CCKAR: variants seen among roughly 807,000 people sequenced by gnomAD.
CCKAR encodes cholecystokinin A receptor, also known as cholecystokinin receptor type A.
A neutral mutation model predicts 29.8 loss-of-function variants in CCKAR; 21 were observed. The observed-to-expected ratio is 0.70, with a 90% confidence interval of 0.50 to 1.01. The LOEUF (loss-of-function observed/expected upper bound fraction) is 1.01, where lower values mean the gene tolerates loss of function less well. Ranked by LOEUF, CCKAR falls within the 50% of genes least tolerant of loss-of-function variation. The pLI, the probability that CCKAR is intolerant of heterozygous loss-of-function variation, is 0.00. For missense variants in CCKAR, 570 were observed against 560.6 expected (o/e 1.02, Z -0.17); for synonymous variants, 238 against 221.3 (o/e 1.08, Z -0.67).
chr4:26,484,003 G>T (rs547408432), intron 3 of CCKAR, among the ~76,000 whole-genome samples: 237 of 152,260 alleles, frequency 1.6e-3, no homozygotes, highest in Non-Finnish European at 3.1e-3. Context: ...AAACATTTAC[G>T]TGGGCGTCCA....
chr4:26,489,335 G>T lies in CCKAR; in HGVS notation c.262C>A (p.Leu88Ile), dbSNP rs1191629998. 1 of 1,614,158 alleles carries T rather than the reference G, an allele frequency of 6.2e-7. No homozygotes were observed. The highest frequency in any genetic ancestry group is 1.7e-5 in the Admixed American group (1 of 60,018). Residue 88 changes from leucine (L) to isoleucine (I), a missense_variant, in exon 2 of 5, where the codon CTC becomes ATC. Leu to Ile is a conservative substitution (Grantham distance 5). Coordinates refer to ENST00000295589, the MANE Select transcript of CCKAR (RefSeq NM_000730.3). ...IFLLSLAVSD[L>I]MLCLFCMPFN... Reference sequence around the variant, plus strand: ...GGCATGCAGAAGAGACAGAGCATGAGGTCGCTGACAGCCAGGGAGAGGAGG... The same window carrying T: ...GGCATGCAGAAGAGACAGAGCATGATGTCGCTGACAGCCAGGGAGAGGAGG...
chr4:26,489,334 AG>A lies in CCKAR; in HGVS notation c.262del (p.Leu88SerfsTer38). The A allele has an allele frequency of 6.2e-7, 1 of 1,614,134 alleles. No homozygotes were observed. The highest frequency in any genetic ancestry group is 8.5e-7 in the Non-Finnish European group (1 of 1,180,036). On this transcript the variant is annotated frameshift_variant, in exon 2 of 5. Coordinates refer to ENST00000295589, the MANE Select transcript of CCKAR (RefSeq NM_000730.3). LOFTEE classifies it high-confidence loss of function. ...IFLLSLAVSD[L>X]MLCLFCMPFN... ...CGGCATGCAGAAGAGACAGAGCATG[AG>A]GTCGCTGACAGCCAGGGAGAGGAGG...
intron 2 of CCKAR, among the ~76,000 whole-genome samples, chr4:26,486,466 A>T (rs1737453083): frequency 6.6e-6 from 1 of 152,242 alleles, no homozygotes; most frequent in Non-Finnish European, 1.5e-5. Context: ...GTAGTAAAAA[A>T]GACGAGGGAA....
chr4:26,489,571 A>T, intron 1 of CCKAR, 87 bp from the exon 2 acceptor site: 1 of 1,500,024 alleles, frequency 6.7e-7, no homozygotes, highest in Non-Finnish European at 9.1e-7. Context: ...ATTCCTGCCG[A>T]TTTTCCCCCC....
chr4:26,485,049 C>T (rs1737421180), intron 3 of CCKAR, among the ~76,000 whole-genome samples: 1 of 151,466 alleles, frequency 6.6e-6, no homozygotes. Context: ...AAAAAATTAG[C>T]CGGGCATGGT....
chr4:26,488,930 C>A (rs1017846474), intron 2 of CCKAR, among the ~76,000 whole-genome samples: 5 of 152,176 alleles, frequency 3.3e-5, no homozygotes, highest in Non-Finnish European at 7.3e-5. Context: ...CAGAAGCAAG[C>A]AAGTCCCTCT....
rs1260715627 is a variant in CCKAR, at chr4:26,481,962, G to T, written c.963C>A (p.Leu321=). ...VIRMLIVIVV[L]FFLCWMPIFS... ...AGATGGGCATCCAGCACAGGAAGAAGAGGACCACGATGACGATGAGCATGC... is the reference window on the plus strand; with the variant it reads ...AGATGGGCATCCAGCACAGGAAGAATAGGACCACGATGACGATGAGCATGC... Residue 321 remains leucine (L), a synonymous_variant, in exon 5 of 5, where the codon CTC becomes CTA. Transcript: ENST00000295589. 1.2e-6 allele frequency: 2 copies of T among 1,614,258 alleles called. No individual in the cohort carries two copies. Among genetic ancestry groups the T allele is most frequent in the South Asian group, 2.2e-5 (2 of 91,090 alleles).
chr4:26,487,580 C>T (rs1355289632), intron 2 of CCKAR, among the ~76,000 whole-genome samples: 1 of 152,116 alleles, frequency 6.6e-6, no homozygotes, highest in Non-Finnish European at 1.5e-5. Context: ...AAGAGAAGAG[C>T]CTAAATTATT....
chr4:26,487,620 G>A (rs1022151073), intron 2 of CCKAR, among the ~76,000 whole-genome samples: 2 of 152,104 alleles, frequency 1.3e-5, no homozygotes, highest in African/African-American at 2.4e-5. Flanking sequence ...AATTATTATG[G>A]TATTGCAAAT....
In CCKAR at chr4:26,485,796, G is replaced by T; in HGVS notation, c.467C>A (p.Ser156Tyr). The T allele has an allele frequency of 6.2e-7, 1 of 1,614,054 alleles. No homozygotes were observed. The highest frequency in any genetic ancestry group is 8.5e-7 in the Non-Finnish European group (1 of 1,179,998). ...PLQSRVWQTK[S>Y]HALKVIAATW... ...AGCAGCAATCACCTTCAAAGCATGG[G>T]ATTTTGTCTGCCAGACCCGGGACTG... is the stretch of plus-strand genomic sequence containing the variant. The change falls in exon 3 of 5, where the codon TCC (serine) becomes TAC (tyrosine). Residue 156 changes from serine (S) to tyrosine (Y), a missense_variant. Coordinates refer to ENST00000295589, the MANE Select transcript of CCKAR (RefSeq NM_000730.3).
chr4:26,485,194 C>CAA (rs11308927), intron 3 of CCKAR, among the ~76,000 whole-genome samples: 11 of 105,530 alleles, frequency 1.0e-4, no homozygotes, highest in Admixed American at 8.6e-4. Context: ...AATTCCGTCT[C>CAA]AAAAAAAAAA....
chr4:26,490,374 G>A lies in CCKAR; in HGVS notation c.-107C>T, dbSNP rs1411755169. 10 of 737,918 alleles carry A rather than the reference G, an allele frequency of 1.4e-5. No homozygotes were observed. The highest frequency in any genetic ancestry group is 3.6e-4 in the Middle Eastern group (1 of 2,784). The allele number at this position is 737,918 out of a possible 1,614,324, so 45.7% of individuals were successfully genotyped here. On this transcript the variant is annotated 5_prime_UTR_variant, in exon 1 of 5. Transcript: ENST00000295589. ...CTCGCAGATGCAACCTGCCGTGGAG[G>A]AGCAGGGAGGGAGTGATTTCCAGGT... is the stretch of plus-strand genomic sequence containing the variant.
At position 26,485,618 on chromosome 4, in the gene CCKAR, A is replaced by G. The variant is rs1463165505; in HGVS notation, c.626+19T>C. Reference sequence around the variant, plus strand: ...ATTACATCAAGCTGTATTTTTAAAAATAAACAATGCAACCTTACCAGGACT... The same window carrying G: ...ATTACATCAAGCTGTATTTTTAAAAGTAAACAATGCAACCTTACCAGGACT... On this transcript the variant is annotated intron_variant, in intron 3 of 4. Coordinates refer to ENST00000295589, the MANE Select transcript of CCKAR (RefSeq NM_000730.3). 6.2e-7 allele frequency: 1 copy of G among 1,609,452 alleles called. No homozygotes were observed.
At chr4:26,483,381 G>A (rs1271286940) in intron 3 of CCKAR, 98 bp from the exon 4 acceptor site, 8 of 1,160,792 alleles carry the variant, frequency 6.9e-6, no homozygotes, top group South Asian at 1.7e-5. Context: ...TTACTGGCCT[G>A]AGCAAACACA....
chr4:26,490,058 T>G (rs1737527551), intron 1 of CCKAR, 98 bp downstream of exon 1: 1 of 735,244 alleles, frequency 1.4e-6, no homozygotes, highest in Non-Finnish European at 2.4e-6. Context: ...TGTCTCACAA[T>G]GACTTGGTTA....
Position 26,484,940 on chromosome 4 carries a change from C to A in CCKAR, c.626+697G>T, listed in dbSNP as rs564823953. 2.7e-5 allele frequency among the ~76,000 whole-genome samples: 4 copies of A among 149,016 alleles called. No homozygotes were observed. In the East Asian group the frequency reaches 8.0e-4, roughly 30 times the overall value. ...GGCGCGGTGGCTCATGCCTGTAATCCCAGTACTTTGGGAGGTCGAGGCGGG... is the reference window on the plus strand; with the variant it reads ...GGCGCGGTGGCTCATGCCTGTAATCACAGTACTTTGGGAGGTCGAGGCGGG... On this transcript the variant is annotated intron_variant, in intron 3 of 4. Coordinates refer to ENST00000295589, the MANE Select transcript of CCKAR (RefSeq NM_000730.3).
chr4:26,489,905 C>G (rs1012416583), intron 1 of CCKAR, among the ~76,000 whole-genome samples: 8 of 152,096 alleles, frequency 5.3e-5, no homozygotes, highest in African/African-American at 1.9e-4. Context: ...TTGCTTCACT[C>G]AGCTTTTCCT....
chr4:26,486,499 G>A (rs1737453718), intron 2 of CCKAR, among the ~76,000 whole-genome samples: 1 of 152,110 alleles, frequency 6.6e-6, no homozygotes, highest in African/African-American at 2.4e-5. Context: ...AGTAACTAAA[G>A]GTTTCTCTGG....
rs745438560 is a variant in CCKAR, at chr4:26,482,080, A to G, written c.845T>C (p.Leu282Pro). ...GCTGCTGCCGGTGGACAGCTGCCGG[A>G]GCTCCAGCTTCCTCGGGGGCCTGGT... is the stretch of plus-strand genomic sequence containing the variant. ...QKTRPPRKLE[L>P]RQLSTGSSSR... Residue 282 changes from leucine (L) to proline (P), a missense_variant, in exon 5 of 5, where the codon CTC (leucine) becomes CCC (proline). By Grantham distance (98) the Leu-to-Pro change is moderately conservative. Transcript: ENST00000295589. 6.2e-7 allele frequency: 1 copy of G among 1,614,144 alleles called. No homozygotes were observed. The highest frequency in any genetic ancestry group is 8.5e-7 in the Non-Finnish European group (1 of 1,180,022).
Sources: allele counts gnomAD v4.1 joint callset (sites outside exome capture counted in the v4.1 genomes callset), GRCh38; gene constraint gnomAD v4.1.1; transcripts MANE v1.5; gene names NCBI Gene and HGNC (gene_info 2026-07-23, HGNC 2026-07-21).